The following WRNIP1 variants were observed in gnomAD, a reference collection of about 807,000 sequenced individuals.
WRNIP1 encodes ATPase WRNIP1.
A neutral mutation model predicts 56.1 loss-of-function variants in WRNIP1; 41 were observed. The observed-to-expected ratio is 0.73, with a 90% CI of 0.57 to 0.95. The LOEUF is 0.95. WRNIP1 is among the 40% of genes least tolerant of loss of function. The pLI is 0.00. For synonymous variants in WRNIP1, 547 were observed against 398.1 expected, an observed-to-expected ratio of 1.37 and a Z score of -4.45; for missense variants, 1,170 against 939.4, an observed-to-expected ratio of 1.25 and a Z score of -3.21.
intron 4 of WRNIP1, among the ~76,000 whole-genome samples, chr6:2,782,629 G>A (rs1035439359): frequency 1.3e-5 from 2 of 152,234 alleles, no homozygotes; most frequent in Non-Finnish European, 2.9e-5. Context: ...CCTAAGGGAC[G>A]ATGGCCAGAG....
rs1765211899 is a variant in WRNIP1 at position 2,770,135 on chromosome 6, C to T, written c.1030C>T (p.His344Tyr). The T allele has an allele frequency of 2.0e-5, 33 of 1,614,218 alleles. No homozygotes were observed. The highest frequency in any genetic ancestry group is 2.7e-5 in the Non-Finnish European group (32 of 1,180,036). The change falls in exon 3 of 7, where the codon CAC (histidine) becomes TAC (tyrosine). Residue 344 changes from histidine to tyrosine, a missense_variant. By Grantham distance (83) the His-to-Tyr change is moderately conservative (BLOSUM62 2). Coordinates refer to ENST00000380773, the MANE Select transcript of WRNIP1 (RefSeq NM_020135.3). ...NKSQQDTFLPHVECGTITLIG... is the reference protein window; with the variant it reads ...NKSQQDTFLPYVECGTITLIG... ...CCATGATTAGGACACTTTCCTTCCT[C>T]ACGTGGAATGTGGGACGATCACTCT...
rs1307486303 is a variant in WRNIP1, at chr6:2,766,138, C to T, written c.516C>T (p.Gly172=). ...AQEEEEAVGD[G]DGDGDADADG... is the part of the protein sequence containing the mutation. Reference sequence around the variant, plus strand: ...AGGAGGAGGAGGCCGTGGGCGACGGCGATGGCGACGGGGACGCGGACGCGG... The same window carrying T: ...AGGAGGAGGAGGCCGTGGGCGACGGTGATGGCGACGGGGACGCGGACGCGG... Residue 172 remains glycine, a synonymous_variant, in exon 1 of 7, where the codon GGC becomes GGT. Transcript: ENST00000380773. The T allele has an allele frequency of 4.0e-6, 5 of 1,240,316 alleles. No homozygotes were observed. The African/African-American group carries it at 4.7e-5, about 12-fold the overall frequency. The allele number at this position is 1,240,316 out of a possible 1,614,324, so 76.8% of individuals were successfully genotyped here. A position where few individuals can be genotyped will look rare whatever the true frequency, so the allele number is the denominator to read the frequency against.
At chr6:2,767,073 G>GT (rs1416181143) in intron 1 of WRNIP1, among the ~76,000 whole-genome samples, 1 of 152,060 alleles carries the variant, frequency 6.6e-6, no homozygotes, top group African/African-American at 2.4e-5. Context: ...CGGTATTTCC[G>GT]TAACTTTTCT....
intron 4 of WRNIP1, among the ~76,000 whole-genome samples, chr6:2,779,809 T>G (rs562612561): frequency 1.8e-4 from 27 of 152,332 alleles, no homozygotes; most frequent in Admixed American, 3.3e-4. Context: ...TTTGAAAGCC[T>G]GTGCATTCAC....
rs1172657459 is a variant in WRNIP1, at chr6:2,770,123, A to C, written c.1018A>C (p.Thr340Pro). The C allele has an allele frequency of 6.2e-7, 1 of 1,614,056 alleles. No homozygotes were observed. Among genetic ancestry groups the C allele is most frequent in the East Asian group, 2.2e-5 (1 of 44,900 alleles). ...IHRFNKSQQD[T>P]FLPHVECGTI... ...TCTGTTTTCCTCCCATGATTAGGAC[A>C]CTTTCCTTCCTCACGTGGAATGTGG... The change falls in exon 3 of 7, where the codon ACT (threonine) becomes CCT (proline). Residue 340 changes from threonine to proline, a missense_variant. Physicochemically the swap from Thr to Pro is conservative, Grantham distance 38. Coordinates refer to ENST00000380773, the MANE Select transcript of WRNIP1 (RefSeq NM_020135.3).
chr6:2,778,588 G>A (rs1015631426), intron 3 of WRNIP1, among the ~76,000 whole-genome samples: 6 of 152,268 alleles, frequency 3.9e-5, no homozygotes, highest in Non-Finnish European at 7.4e-5. Flanking sequence ...CGCTTCCCAG[G>A]CTAATGACCT....
At chr6:2,782,460 C>T (rs1765584075) in intron 4 of WRNIP1, among the ~76,000 whole-genome samples, 2 of 152,360 alleles carry the variant, frequency 1.3e-5, no homozygotes, top group South Asian at 2.1e-4. Flanking sequence ...TGTCATCTTA[C>T]CAGCGAGCTC....
rs1052040811 is a variant in WRNIP1 at position 2,782,688 on chromosome 6, T to C, written c.1487-718T>C. 2.6e-5 allele frequency among the ~76,000 whole-genome samples: 4 copies of C among 152,260 alleles called. No individual in the cohort carries two copies. The East Asian group carries it at 7.7e-4, about 29-fold the overall frequency. ...CACTGCTTAGTTCCTGAGAACTGTT[T>C]AGCTGTCATTTTTTTGCCCTTAAAT... On this transcript the variant is annotated intron_variant, in intron 4 of 6. Transcript: ENST00000380773.
At chr6:2,773,485 C>T in intron 3 of WRNIP1, 2 of 985,382 alleles carry the variant, frequency 2.0e-6, no homozygotes, top group Non-Finnish European at 2.4e-6. Flanking sequence ...AGCTCATTGT[C>T]TACGCCATAG....
At chr6:2,776,078 A>G (rs1221192466) in intron 3 of WRNIP1, among the ~76,000 whole-genome samples, 1 of 152,226 alleles carries the variant, frequency 6.6e-6, no homozygotes, top group Non-Finnish European at 1.5e-5. Flanking sequence ...CTTTCAAAAT[A>G]GTTTGTGCCG....
At position 2,766,426 on chromosome 6, in the gene WRNIP1, G is replaced by T. The variant is rs1764991824; in HGVS notation, c.804G>T (p.Gly268=). 2 of 1,582,762 alleles carry T rather than the reference G, an allele frequency of 1.3e-6. No homozygotes were observed. The highest frequency in any genetic ancestry group is 3.5e-5 in the Admixed American group (2 of 57,820). Residue 268 remains glycine, a synonymous_variant, in exon 1 of 7, where the codon GGG becomes GGT. Coordinates refer to ENST00000380773, the MANE Select transcript of WRNIP1 (RefSeq NM_020135.3). ...TNEIPSLILW[G]PPGCGKTTLA... is the part of the protein sequence containing the mutation. ...AAATCCCCTCGCTTATCCTGTGGGG[G>T]CCGCCGGGCTGCGGCAAGGTGAGTG... is the stretch of plus-strand genomic sequence containing the variant.
intron 4 of WRNIP1, among the ~76,000 whole-genome samples, chr6:2,781,367 A>G (rs554907024): frequency 3.9e-5 from 6 of 152,352 alleles, no homozygotes; most frequent in Admixed American, 3.3e-4. Flanking sequence ...ACCCCACCCC[A>G]GTGCAACATG....
intron 3 of WRNIP1, among the ~76,000 whole-genome samples, chr6:2,777,558 C>G (rs992058975): frequency 3.9e-5 from 6 of 152,204 alleles, no homozygotes; most frequent in Admixed American, 6.5e-5. Context: ...GTTCTCCCTA[C>G]CTGTCTTCCC....
chr6:2,770,809 T>TAA (rs1225348859), intron 3 of WRNIP1, among the ~76,000 whole-genome samples: 199 of 147,152 alleles, frequency 1.4e-3, no homozygotes, highest in African/African-American at 4.8e-3. Context: ...AGCATTTTGT[T>TAA]AAAAAAAAAA....
chr6:2,765,815 T>C lies in WRNIP1; in HGVS notation c.193T>C (p.Ser65Pro), dbSNP rs1232295923. 2.4e-5 allele frequency: 33 copies of C among 1,354,164 alleles called. No individual in the cohort carries two copies. Among genetic ancestry groups the C allele is most frequent in the Non-Finnish European group, 3.1e-5 (33 of 1,058,810 alleles). 83.9% of individuals were successfully genotyped at this position (1,354,164 alleles called of 1,614,324 possible). A position where few individuals can be genotyped will look rare whatever the true frequency, so the allele number is the denominator to read the frequency against. ...HRAGERAKGP[S>P]PPGAKRRRLS... ...CGCCGGGGAGCGGGCCAAGGGGCCC[T>C]CGCCGCCCGGCGCCAAGAGGCGGCG... Residue 65 changes from serine (S) to proline (P), a missense_variant, in exon 1 of 7, where the codon TCG becomes CCG. Physicochemically the swap from Ser to Pro is moderately conservative, Grantham distance 74. Transcript: ENST00000380773.
At chr6:2,783,672 G>GGCCCC in intron 5 of WRNIP1, 111 bp downstream of exon 5, 1 of 314,200 alleles carries the variant, frequency 3.2e-6, no homozygotes. Flanking sequence ...GGGTGGGCGG[G>GGCCCC]GGTAGCAGGA....
At chr6:2,784,756 T>G (rs112316080) in intron 6 of WRNIP1, among the ~76,000 whole-genome samples, 41 of 152,128 alleles carry the variant, frequency 2.7e-4, no homozygotes, top group African/African-American at 9.6e-4. Flanking sequence ...TAAGAAAAAT[T>G]TAATGTAGTA....
chr6:2,782,814 A>G (rs1391141949), intron 4 of WRNIP1, among the ~76,000 whole-genome samples: 1 of 152,230 alleles, frequency 6.6e-6, no homozygotes, highest in Non-Finnish European at 1.5e-5. Context: ...CGTCCACTTC[A>G]GGGCGGAAGC....
chr6:2,773,276 C>A (rs1207720900), intron 3 of WRNIP1: 1 of 985,284 alleles, frequency 1.0e-6, no homozygotes, highest in Non-Finnish European at 1.2e-6. Flanking sequence ...AAAGCTTGTT[C>A]CTGTGCCTTC....
Sources: gnomAD v4.1 joint callset for allele counts (sites outside exome capture counted in the v4.1 genomes callset) on GRCh38, gnomAD v4.1.1 for gene constraint, MANE v1.5 for transcripts, NCBI Gene and HGNC (gene_info 2026-07-23, HGNC 2026-07-21) for gene names.